NEGR1: variants seen among roughly 807,000 people sequenced by gnomAD.
NEGR1 encodes neuronal growth regulator 1.
Under a neutral mutation model 40.9 loss-of-function variants are expected in NEGR1, and 10 were observed. That is an observed-to-expected ratio of 0.24 (90% CI 0.15 to 0.42). The LOEUF (loss-of-function observed/expected upper bound fraction) is 0.42. Ranked by LOEUF, NEGR1 falls within the 10% of genes least tolerant of loss-of-function variation. NEGR1 has a pLI of 1.00. For synonymous variants in NEGR1, 185 were observed against 166.8 expected (o/e 1.11, Z -0.84); for missense variants, 352 against 438.9 (o/e 0.80, Z 1.77).
At chr1:71,908,885 A>G (rs560494903) in intron 2 of NEGR1, among the ~76,000 whole-genome samples, 1 of 152,194 alleles carries the variant, frequency 6.6e-6, no homozygotes, top group African/African-American at 2.4e-5. Context: ...TTTAAACTAT[A>G]TTTTCTTTCT....
intron 1 of NEGR1, among the ~76,000 whole-genome samples, chr1:72,124,024 ATAGT>A (rs1649910076): frequency 6.6e-6 from 1 of 152,064 alleles, no homozygotes; most frequent in African/African-American, 2.4e-5. Context: ...TATCATTTAT[ATAGT>A]TTGTATAATC....
intron 2 of NEGR1, among the ~76,000 whole-genome samples, chr1:71,850,087 C>T (rs928276095): frequency 7.4e-6 from 1 of 134,598 alleles, no homozygotes; most frequent in Admixed American, 7.9e-5. Context: ...TACTTACATA[C>T]CATTGTGTGT....
chr1:71,573,117 T>A (rs149083425), intron 6 of NEGR1, among the ~76,000 whole-genome samples: 1 of 152,114 alleles, frequency 6.6e-6, no homozygotes, highest in Non-Finnish European at 1.5e-5. Context: ...ATGCTTAATA[T>A]GGGTATGGCT....
At chr1:71,978,881 C>T (rs1646330383) in intron 1 of NEGR1, among the ~76,000 whole-genome samples, 1 of 152,104 alleles carries the variant, frequency 6.6e-6, no homozygotes, top group South Asian at 2.1e-4. Context: ...GAATATAAGT[C>T]ATTGTACTGT....
intron 1 of NEGR1, among the ~76,000 whole-genome samples, chr1:72,222,211 C>T (rs946396759): frequency 1.5e-4 from 23 of 152,102 alleles, no homozygotes; most frequent in Admixed American, 7.9e-4. Flanking sequence ...AGGCTGCAGG[C>T]TCATACTTGC....
chr1:71,512,878 C>T (rs1647085781), intron 6 of NEGR1, among the ~76,000 whole-genome samples: 1 of 152,070 alleles, frequency 6.6e-6, no homozygotes, highest in African/African-American at 2.4e-5. Context: ...CCACGCCTGG[C>T]CATACTATCC....
chr1:72,254,911 T>C (rs1655216660), intron 1 of NEGR1, among the ~76,000 whole-genome samples: 1 of 152,134 alleles, frequency 6.6e-6, no homozygotes, highest in Non-Finnish European at 1.5e-5. Context: ...TATTTCTTTA[T>C]ATACCCCCTT....
intron 3 of NEGR1, among the ~76,000 whole-genome samples, chr1:71,731,785 C>T (rs1012259288): frequency 7.2e-5 from 11 of 152,168 alleles, no homozygotes; most frequent in African/African-American, 2.7e-4. Flanking sequence ...TAGTGCATAA[C>T]AATTACACAG....
intron 6 of NEGR1, among the ~76,000 whole-genome samples, chr1:71,460,573 A>G (rs1379271839): frequency 2.0e-5 from 3 of 152,212 alleles, no homozygotes; most frequent in African/African-American, 7.2e-5. Context: ...TTTGAATATT[A>G]TATCAGATAA....
Position 71,977,304 on chromosome 1 carries a change from C to T in NEGR1, c.177-41993G>A, listed in dbSNP as rs528907935. On this transcript the variant is annotated intron_variant, in intron 1 of 6. Coordinates refer to ENST00000357731, the MANE Select transcript of NEGR1 (RefSeq NM_173808.3). ...TCATGCCACTGCACTCCAGCCTGGA[C>T]GATAGAGCAAGACTCCATCTCAAAA... 5.3e-5 allele frequency among the ~76,000 whole-genome samples: 8 copies of T among 150,632 alleles called. No individual in the cohort carries two copies. The East Asian group carries it at 7.9e-4, about 15-fold the overall frequency.
chr1:72,013,876 A>G (rs1006459974), intron 1 of NEGR1, among the ~76,000 whole-genome samples: 6 of 148,314 alleles, frequency 4.0e-5, no homozygotes, highest in South Asian at 2.2e-4. Context: ...TGCATGCAGT[A>G]TGATTAATAG....
intron 5 of NEGR1, among the ~76,000 whole-genome samples, chr1:71,603,491 T>G (rs1649988637): frequency 6.6e-6 from 1 of 152,214 alleles, no homozygotes. Flanking sequence ...GTTTTTATTA[T>G]CATATGTAAT....
intron 2 of NEGR1, among the ~76,000 whole-genome samples, chr1:71,880,640 C>A (rs1239628808): frequency 6.6e-6 from 1 of 152,022 alleles, no homozygotes; most frequent in Non-Finnish European, 1.5e-5. Context: ...TCAAAGTACT[C>A]TTTTACCATC....
chr1:71,776,733 G>T (rs974108830), intron 2 of NEGR1, among the ~76,000 whole-genome samples: 3 of 152,068 alleles, frequency 2.0e-5, no homozygotes, highest in African/African-American at 7.2e-5. Flanking sequence ...TTAAAAGCTG[G>T]GTGAGTTAGG....
intron 3 of NEGR1, among the ~76,000 whole-genome samples, chr1:71,726,765 G>A (rs1032505928): frequency 1.3e-5 from 2 of 151,988 alleles, no homozygotes; most frequent in Admixed American, 6.6e-5. Context: ...GAGGTAATAG[G>A]ATGAAGTCCC....
chr1:71,549,365 G>T (rs1240716610), intron 6 of NEGR1, among the ~76,000 whole-genome samples: 1 of 151,612 alleles, frequency 6.6e-6, no homozygotes, highest in Non-Finnish European at 1.5e-5. Flanking sequence ...GTTCAACTTG[G>T]CGGGGAAAGA....
intron 4 of NEGR1, among the ~76,000 whole-genome samples, chr1:71,624,280 A>T (rs917075706): frequency 1.3e-5 from 2 of 151,948 alleles, no homozygotes; most frequent in Admixed American, 6.6e-5. Flanking sequence ...TCCTATAGTT[A>T]TCATATTGGT....
At chr1:72,219,014 C>G (rs1420316933) in intron 1 of NEGR1, among the ~76,000 whole-genome samples, 1 of 152,026 alleles carries the variant, frequency 6.6e-6, no homozygotes, top group African/African-American at 2.4e-5. Context: ...CTTCTCCACA[C>G]AATGACATGT....
intron 1 of NEGR1, among the ~76,000 whole-genome samples, chr1:72,118,256 C>A (rs1390889397): frequency 6.6e-6 from 1 of 151,830 alleles, no homozygotes; most frequent in African/African-American, 2.4e-5. Flanking sequence ...TTACTTGTGG[C>A]CAAACCCCAA....
Sources: allele counts gnomAD v4.1 joint callset (sites outside exome capture counted in the v4.1 genomes callset), GRCh38; gene constraint gnomAD v4.1.1; transcripts MANE v1.5; gene names NCBI Gene and HGNC (gene_info 2026-07-23, HGNC 2026-07-21).